The following MBD5 variants were observed in gnomAD, a reference collection of about 807,000 sequenced individuals.
MBD5 encodes the protein methyl-CpG binding domain protein 5.
Under a neutral mutation model 117.3 loss-of-function variants are expected in MBD5, and 13 were observed. The ratio of observed to expected loss-of-function variants is 0.11; its 90% CI spans 0.07 to 0.18. The LOEUF is 0.18. Among genes scored for constraint, MBD5 ranks in the 10% least tolerant of loss-of-function variants. The pLI is 1.00. For missense variants in MBD5, 1,879 were observed against 2,093.8 expected (o/e 0.90, Z 2.00); for synonymous variants, 727 against 766.4 (o/e 0.95, Z 0.85).
chr2:148,038,440 C>A (rs1167241179), intron 1 of MBD5, among the ~76,000 whole-genome samples: 1 of 146,570 alleles, frequency 6.8e-6, no homozygotes, highest in African/African-American at 2.5e-5. Context: ...AGGGTTGTAT[C>A]TTTTTTCTTT....
At chr2:148,501,460 A>T (rs1681869213) in intron 11 of MBD5, among the ~76,000 whole-genome samples, 1 of 152,204 alleles carries the variant, frequency 6.6e-6, no homozygotes, top group East Asian at 1.9e-4. Flanking sequence ...ACTTGCCTTG[A>T]AACTATGCTT....
chr2:148,079,469 T>A (rs1190153780), intron 1 of MBD5, among the ~76,000 whole-genome samples: 2 of 152,024 alleles, frequency 1.3e-5, no homozygotes, highest in African/African-American at 4.8e-5. Flanking sequence ...AAATACACCA[T>A]CTATATGTGC....
intron 11 of MBD5, among the ~76,000 whole-genome samples, chr2:148,501,884 T>C (rs1294324295): frequency 3.3e-5 from 5 of 152,208 alleles, no homozygotes; most frequent in African/African-American, 1.2e-4. Context: ...ACAAGACTTG[T>C]CACATTTTAA....
rs553753533 is a variant in MBD5 at position 148,299,773 on chromosome 2, A to C, written c.-679-42441A>C. Among the ~76,000 whole-genome samples, 4 of 152,336 alleles carry C rather than the reference A, an allele frequency of 2.6e-5. No individual in the cohort carries two copies. The South Asian group carries it at 8.3e-4, about 32-fold the overall frequency. ...ATTATGTATGATCTCCATTTTCAAA[A>C]ATGTCTGAGGACCTGTAGAGTACAC... On this transcript the variant is annotated intron_variant, in intron 3 of 13. Transcript: ENST00000642680.
chr2:148,252,379 G>C lies in MBD5; in HGVS notation c.-680+18984G>C, dbSNP rs188024624. 2.6e-5 allele frequency among the ~76,000 whole-genome samples: 4 copies of C among 152,222 alleles called. No homozygotes were observed. In the East Asian group the frequency reaches 7.7e-4, roughly 29 times the overall value. On this transcript the variant is annotated intron_variant, in intron 3 of 13. Transcript: ENST00000642680. ...GGAGACTGAAATGCGAGGATCACCT[G>C]ATCCTGGAGAAGTTAAGGTTGCAGC...
At chr2:148,293,989 T>A (rs1423197668) in intron 3 of MBD5, among the ~76,000 whole-genome samples, 1 of 152,196 alleles carries the variant, frequency 6.6e-6, no homozygotes, top group East Asian at 1.9e-4. Context: ...GAAATATGCA[T>A]TCATTGTATC....
chr2:148,321,233 C>G (rs1452479311), intron 3 of MBD5, among the ~76,000 whole-genome samples: 1 of 152,046 alleles, frequency 6.6e-6, no homozygotes, highest in East Asian at 1.9e-4. Flanking sequence ...TCTTTGGCTT[C>G]CCTGGATCAC....
chr2:148,259,330 C>T (rs886441103), intron 3 of MBD5, among the ~76,000 whole-genome samples: 4 of 152,150 alleles, frequency 2.6e-5, no homozygotes, highest in Admixed American at 1.3e-4. Flanking sequence ...AGCAAAGACT[C>T]GTTCATTCTC....
At chr2:148,495,851 T>A (rs1291101948) in intron 11 of MBD5, among the ~76,000 whole-genome samples, 1 of 152,206 alleles carries the variant, frequency 6.6e-6, no homozygotes, top group Non-Finnish European at 1.5e-5. Context: ...ACATTTTCTG[T>A]ATGTCAGTTC....
At chr2:148,201,106 C>A (rs750838875) in intron 2 of MBD5, among the ~76,000 whole-genome samples, 1 of 152,212 alleles carries the variant, frequency 6.6e-6, no homozygotes, top group Non-Finnish European at 1.5e-5. Context: ...CTGGGCTTGC[C>A]ACAGGAGATG....
At chr2:148,198,132 AT>A (rs796077917) in intron 2 of MBD5, among the ~76,000 whole-genome samples, 1 of 151,884 alleles carries the variant, frequency 6.6e-6, no homozygotes, top group African/African-American at 2.4e-5. Flanking sequence ...ATCAATACAG[AT>A]TTTTTCTCCA....
chr2:148,444,267 C>T lies in MBD5; in HGVS notation c.-556-13936C>T, dbSNP rs193022168. 3.7e-4 allele frequency among the ~76,000 whole-genome samples: 56 copies of T among 151,130 alleles called. No homozygotes were observed. In the East Asian group the frequency reaches 9.6e-3, roughly 26 times the overall value. On this transcript the variant is annotated intron_variant, in intron 4 of 13. Coordinates refer to ENST00000642680, the MANE Select transcript of MBD5 (RefSeq NM_001378120.1). ...TTATCTAAGGCTAATACTTTCTCGC[C>T]CGTGTGTTGCTCCTTTTGGCTTCTG...
At chr2:148,131,712 C>T (rs2105472189) in intron 1 of MBD5, among the ~76,000 whole-genome samples, 1 of 152,206 alleles carries the variant, frequency 6.6e-6, no homozygotes, top group East Asian at 1.9e-4. Flanking sequence ...AGACAAAAAG[C>T]TATATTCATT....
intron 3 of MBD5, among the ~76,000 whole-genome samples, chr2:148,313,649 C>CG (rs1702089172): frequency 6.6e-6 from 1 of 152,134 alleles, no homozygotes; most frequent in Admixed American, 6.5e-5. Flanking sequence ...GGGGAGTGAA[C>CG]GGTTCTGTCT....
At chr2:148,482,364 A>C (rs1156442481) in intron 8 of MBD5, among the ~76,000 whole-genome samples, 1 of 152,162 alleles carries the variant, frequency 6.6e-6, no homozygotes, top group African/African-American at 2.4e-5. Flanking sequence ...TGATACTAAT[A>C]AAATGGTTCT....
chr2:148,399,229 T>G (rs1704836724), intron 4 of MBD5, among the ~76,000 whole-genome samples: 1 of 152,250 alleles, frequency 6.6e-6, no homozygotes, highest in Non-Finnish European at 1.5e-5. Context: ...GTTGAATCTA[T>G]AAATTACCTT....
At position 148,280,389 on chromosome 2, in the gene MBD5, T is replaced by C. The variant is rs529057909; in HGVS notation, c.-680+46994T>C. The stretch of plus-strand genomic sequence containing the variant: ...TCCATCCTCACAGTTACTTCTTATG[T>C]CCCTTGCCTTCCCTCAATGTTCAGT... On this transcript the variant is annotated intron_variant, in intron 3 of 13. Transcript: ENST00000642680. 9.2e-5 allele frequency among the ~76,000 whole-genome samples: 14 copies of C among 152,274 alleles called. No homozygotes were observed. In the South Asian group the frequency reaches 2.9e-3, roughly 32 times the overall value.
At chr2:148,429,647 C>A (rs1254878846) in intron 4 of MBD5, among the ~76,000 whole-genome samples, 1 of 152,070 alleles carries the variant, frequency 6.6e-6, no homozygotes, top group Non-Finnish European at 1.5e-5. Flanking sequence ...ACATATACAC[C>A]ATGGAATGCT....
intron 10 of MBD5, among the ~76,000 whole-genome samples, chr2:148,487,605 A>C (rs1681380379): frequency 6.6e-6 from 1 of 152,254 alleles, no homozygotes; most frequent in Non-Finnish European, 1.5e-5. Context: ...CAATTAGGAC[A>C]TCATCAGTGA....
Sources: allele counts gnomAD v4.1 joint callset (sites outside exome capture counted in the v4.1 genomes callset), GRCh38; gene constraint gnomAD v4.1.1; transcripts MANE v1.5; gene names NCBI Gene and HGNC (gene_info 2026-07-23, HGNC 2026-07-21).